CDC14A: variants seen among roughly 807,000 people sequenced by gnomAD.
The protein encoded by CDC14A is cell division cycle 14A.
Under a neutral mutation model 74.4 loss-of-function variants are expected in CDC14A, and 53 were observed. The observed-to-expected ratio is 0.71, with a 90% CI of 0.57 to 0.89. CDC14A has a LOEUF of 0.89. CDC14A is among the 40% of genes least tolerant of loss of function. The pLI is 0.00. For missense variants in CDC14A, 646 were observed against 713.7 expected, an observed-to-expected ratio of 0.91 and a Z score of 1.08; for synonymous variants, 247 against 258.4, an observed-to-expected ratio of 0.96 and a Z score of 0.43.
At chr1:100,406,272 G>C (rs1321321456) in intron 4 of CDC14A, among the ~76,000 whole-genome samples, 2 of 152,110 alleles carry the variant, frequency 1.3e-5, no homozygotes, top group Non-Finnish European at 2.9e-5. Context: ...ACAGACTCTG[G>C]ATATTAGACC....
chr1:100,431,679 A>C (rs958402216), intron 5 of CDC14A, among the ~76,000 whole-genome samples: 1 of 147,942 alleles, frequency 6.8e-6, no homozygotes, highest in African/African-American at 2.5e-5. Context: ...TGGTCTCTAC[A>C]AAAAAAAAAT....
intron 4 of CDC14A, among the ~76,000 whole-genome samples, chr1:100,395,419 A>G (rs891951842): frequency 7.2e-5 from 11 of 152,180 alleles, no homozygotes; most frequent in Non-Finnish European, 1.3e-4. Flanking sequence ...CTAAATCAAA[A>G]GAGTAGTCAT....
intron 7 of CDC14A, among the ~76,000 whole-genome samples, chr1:100,454,449 A>G (rs554317202): frequency 1.3e-5 from 2 of 152,180 alleles, no homozygotes; most frequent in Non-Finnish European, 2.9e-5. Context: ...CCTTCTAATG[A>G]CTGCAAAATT....
chr1:100,462,728 A>G lies in CDC14A; in HGVS notation c.685A>G (p.Lys229Glu). The G allele has an allele frequency of 6.2e-7, 1 of 1,614,172 alleles. No homozygotes were observed. Among genetic ancestry groups the G allele is most frequent in the Non-Finnish European group, 8.5e-7 (1 of 1,180,016 alleles). The change falls in exon 9 of 16, where the codon AAA becomes GAA. Residue 229 changes from lysine to glutamate, a missense_variant. Physicochemically the swap from Lys to Glu is moderately conservative, Grantham distance 56. Transcript: ENST00000336454. ...HNVTAVVRLN[K>E]KIYEAKRFTD... ...TGTGACTGCAGTTGTGAGGCTAAAC[A>G]AAAAGATTTATGAGGCAAAGCGCTT...
chr1:100,510,726 C>T (rs1649688393), intron 15 of CDC14A, among the ~76,000 whole-genome samples: 1 of 152,212 alleles, frequency 6.6e-6, no homozygotes, highest in East Asian at 1.9e-4. Flanking sequence ...CCTGTGAGCA[C>T]TGTTGGAGAA....
intron 4 of CDC14A, among the ~76,000 whole-genome samples, chr1:100,407,412 T>C (rs772765945): frequency 1.4e-4 from 21 of 152,184 alleles, no homozygotes; most frequent in Non-Finnish European, 2.4e-4. Flanking sequence ...GAAAAGATCC[T>C]TCACTTCCCT....
chr1:100,452,327 T>C (rs1007768884), intron 7 of CDC14A, among the ~76,000 whole-genome samples: 1 of 152,058 alleles, frequency 6.6e-6, no homozygotes, highest in Non-Finnish European at 1.5e-5. Flanking sequence ...CTGGCCAACA[T>C]GGTGAAACCC....
intron 10 of CDC14A, among the ~76,000 whole-genome samples, chr1:100,471,787 A>G (rs1668424216): frequency 6.6e-6 from 1 of 152,148 alleles, no homozygotes; most frequent in South Asian, 2.1e-4. Context: ...GGATATCTAT[A>G]TGGGGAAAAA....
At chr1:100,352,213 GTTT>G (rs1651135431), upstream of CDC14A, among the ~76,000 whole-genome samples, 2 of 152,170 alleles carry the variant, frequency 1.3e-5, no homozygotes, top group East Asian at 3.9e-4. Flanking sequence ...TCATTCATAA[GTTT>G]CTGGCCTACA....
At chr1:100,503,892 T>A (rs1193875345) in intron 15 of CDC14A, among the ~76,000 whole-genome samples, 1 of 152,252 alleles carries the variant, frequency 6.6e-6, no homozygotes, top group Admixed American at 6.5e-5. Flanking sequence ...TGACACTTAA[T>A]CACTGGATTA....
intron 15 of CDC14A, among the ~76,000 whole-genome samples, chr1:100,510,229 ACTG>A (rs1478930013): frequency 6.6e-6 from 1 of 152,094 alleles, no homozygotes; most frequent in Non-Finnish European, 1.5e-5. Flanking sequence ...GTCATCATCC[ACTG>A]TTTCTTGAAT....
intron 2 of CDC14A, among the ~76,000 whole-genome samples, chr1:100,356,858 T>TGA (rs1651979335): frequency 1.4e-5 from 1 of 70,792 alleles, no homozygotes; most frequent in African/African-American, 6.1e-5. Context: ...AGACTCTGTC[T>TGA]AAAAAAAAAA....
chr1:100,380,134 CAGTTCTT>C (rs1655890736), intron 3 of CDC14A, among the ~76,000 whole-genome samples: 1 of 152,200 alleles, frequency 6.6e-6, no homozygotes, highest in Non-Finnish European at 1.5e-5. Flanking sequence ...ATAATAAAGA[CAGTTCTT>C]CTACAAAATC....
At chr1:100,407,628 A>G (rs975594482) in intron 4 of CDC14A, among the ~76,000 whole-genome samples, 1 of 152,162 alleles carries the variant, frequency 6.6e-6, no homozygotes, top group African/African-American at 2.4e-5. Flanking sequence ...TCCTAGATAT[A>G]GGATCATGTC....
At chr1:100,480,258 G>A (rs191203029) in intron 10 of CDC14A, among the ~76,000 whole-genome samples, 3 of 152,184 alleles carry the variant, frequency 2.0e-5, no homozygotes, top group Admixed American at 6.5e-5. Flanking sequence ...AATATTTGTC[G>A]TTTTGTGTCT....
At chr1:100,381,031 A>G (rs551235374) in intron 3 of CDC14A, among the ~76,000 whole-genome samples, 1 of 152,210 alleles carries the variant, frequency 6.6e-6, no homozygotes. Flanking sequence ...ATGAATTGTA[A>G]TTACCTGTTT....
chr1:100,390,916 T>A (rs1657610118), intron 4 of CDC14A, 92 bp downstream of exon 4: 1 of 854,490 alleles, frequency 1.2e-6, no homozygotes. Flanking sequence ...TCAGTGGGAT[T>A]GAGAGACGGT....
chr1:100,490,631 C>T (rs964865918), intron 11 of CDC14A, among the ~76,000 whole-genome samples: 2 of 152,220 alleles, frequency 1.3e-5, no homozygotes, highest in South Asian at 2.1e-4. Context: ...GTCCCTCCCC[C>T]GAGTCTTGAC....
At chr1:100,510,564 G>A (rs1557840643) in intron 15 of CDC14A, among the ~76,000 whole-genome samples, 2 of 151,930 alleles carry the variant, frequency 1.3e-5, no homozygotes, top group Non-Finnish European at 2.9e-5. Context: ...AGCCATCTCA[G>A]TTCACCTCTT....
Sources: allele counts gnomAD v4.1 joint callset (sites outside exome capture counted in the v4.1 genomes callset), GRCh38; gene constraint gnomAD v4.1.1; transcripts MANE v1.5; gene names NCBI Gene and HGNC (gene_info 2026-07-23, HGNC 2026-07-21).